Variants in DPH5 observed in about 807,000 individuals in gnomAD.
The protein encoded by DPH5 is diphthamide biosynthesis 5.
Under a neutral mutation model 31.6 loss-of-function variants are expected in DPH5, and 31 were observed. The observed-to-expected ratio is 0.98, with a 90% CI of 0.74 to 1.32. The LOEUF (loss-of-function observed/expected upper bound fraction) is 1.32, where lower values mean the gene tolerates loss of function less well. Among genes scored for constraint, DPH5 ranks in the 40% most tolerant of loss-of-function variants. DPH5 has a pLI of 0.00. For synonymous variants in DPH5, 120 were observed against 115.0 expected (o/e 1.04, Z -0.28); for missense variants, 309 against 335.7 (o/e 0.92, Z 0.62).
chr1:101,012,208 A>T (rs1017973172), intron 4 of DPH5, among the ~76,000 whole-genome samples: 1 of 152,184 alleles, frequency 6.6e-6, no homozygotes, highest in Non-Finnish European at 1.5e-5. Flanking sequence ...GCCATCCGTC[A>T]TCAGTTCTTA....
chr1:100,991,217 A>G (rs933132492), intron 7 of DPH5, among the ~76,000 whole-genome samples: 1 of 152,214 alleles, frequency 6.6e-6, no homozygotes, highest in Non-Finnish European at 1.5e-5. Flanking sequence ...ATTTGGCACT[A>G]TTTATGTTTT....
At chr1:100,997,108 C>A (rs1193899806) in intron 5 of DPH5, among the ~76,000 whole-genome samples, 2 of 152,208 alleles carry the variant, frequency 1.3e-5, no homozygotes, top group Non-Finnish European at 2.9e-5. Flanking sequence ...TCAAGAGCCA[C>A]ATTTCTAGTT....
chr1:100,990,723 A>C (rs1657608773), intron 7 of DPH5, 92 bp from the exon 8 acceptor site: 2 of 1,196,192 alleles, frequency 1.7e-6, no homozygotes, highest in East Asian at 2.5e-5. Flanking sequence ...GTACATTTCA[A>C]GAAGCCCCAA....
At chr1:101,022,404 C>G (rs998765210) in intron 2 of DPH5, among the ~76,000 whole-genome samples, 15 of 152,238 alleles carry the variant, frequency 9.9e-5, no homozygotes, top group Non-Finnish European at 2.9e-5. Context: ...TGCAAACAAA[C>G]TGCTTTGTGA....
At chr1:100,998,052 T>C (rs575447364) in intron 5 of DPH5, among the ~76,000 whole-genome samples, 9 of 152,150 alleles carry the variant, frequency 5.9e-5, no homozygotes, top group African/African-American at 2.2e-4. Context: ...AAAGACAAAA[T>C]TATAAAGATA....
intron 7 of DPH5, among the ~76,000 whole-genome samples, chr1:100,991,853 T>G (rs1478549766): frequency 6.6e-6 from 1 of 150,494 alleles, no homozygotes; most frequent in Non-Finnish European, 1.5e-5. Flanking sequence ...TCCCAACACT[T>G]TGGGAGGCTT....
Position 101,001,547 on chromosome 1 carries a change from G to A in DPH5, c.410C>T (p.Thr137Ile). ...FGETVSIVFW[T>I]DTWRPESFFD... is the part of the protein sequence containing the mutation. ...GAAGCTTTCTGGTCTCCAAGTGTCT[G>A]TCCAAAAAACAATAGAAACTGTCTC... is the stretch of plus-strand genomic sequence containing the variant. The change falls in exon 5 of 8, where the codon ACA becomes ATA. Residue 137 changes from threonine to isoleucine, a missense_variant. Coordinates refer to ENST00000370109, the MANE Select transcript of DPH5 (RefSeq NM_015958.3). 4 of 1,606,936 alleles carry A rather than the reference G, an allele frequency of 2.5e-6. No homozygotes were observed. Among genetic ancestry groups the A allele is most frequent in the Non-Finnish European group, 3.4e-6 (4 of 1,174,240 alleles).
intron 3 of DPH5, among the ~76,000 whole-genome samples, chr1:101,017,657 T>C (rs1199055993): frequency 1.3e-5 from 2 of 152,152 alleles, no homozygotes; most frequent in Admixed American, 1.3e-4. Flanking sequence ...TGTGGACTGG[T>C]CAATGCATAC....
In DPH5 at chr1:100,998,472, G is replaced by A. The variant is rs1570659484; in HGVS notation, c.490+2995C>T. Among the ~76,000 whole-genome samples, 6 of 148,622 alleles carry A rather than the reference G, an allele frequency of 4.0e-5. No individual in the cohort carries two copies. The South Asian group carries it at 1.3e-3, about 32-fold the overall frequency. ...TGCAGTGAGCCGAGACTGCACTACT[G>A]CACTCCAGCCTGGATGACAGGGTAA... On this transcript the variant is annotated intron_variant, in intron 5 of 7. Transcript: ENST00000370109.
intron 6 of DPH5, among the ~76,000 whole-genome samples, chr1:100,994,595 C>T (rs1658160913): frequency 6.6e-6 from 1 of 151,330 alleles, no homozygotes. Context: ...GGCGTGATCT[C>T]AGCTCACTGC....
At chr1:101,013,902 TAA>T (rs1303929887) in intron 3 of DPH5, 84 bp from the exon 4 acceptor site, 7 of 1,059,678 alleles carry the variant, frequency 6.6e-6, no homozygotes, top group Non-Finnish European at 2.7e-6. Flanking sequence ...TCATGTCAAT[TAA>T]AGAGGCAGGA....
rs572297233 is a variant in DPH5, at chr1:101,001,483, G to A, written c.474C>T (p.His158=). The change falls in exon 5 of 8, where the codon CAC becomes CAT. Residue 158 remains histidine (H), a synonymous_variant. Coordinates refer to ENST00000370109, the MANE Select transcript of DPH5 (RefSeq NM_015958.3). ...AACCCTTACCTAGTAAACATAATGT[G>A]TGCATGCCATTTTGTCTGTTCTTCT... ...KVKKNRQNGM[H]TLCLLDIKVK... 49 of 1,613,466 alleles carry A rather than the reference G, an allele frequency of 3.0e-5. No individual in the cohort carries two copies. Among genetic ancestry groups the A allele is most frequent in the Admixed American group, 2.2e-4 (13 of 59,990 alleles).
intron 3 of DPH5, among the ~76,000 whole-genome samples, chr1:101,018,727 G>C (rs1009522373): frequency 6.6e-6 from 1 of 152,126 alleles, no homozygotes; most frequent in African/African-American, 2.4e-5. Flanking sequence ...AAATGTCCAT[G>C]TCCACACCTT....
chr1:101,009,031 G>T (rs1659448236), intron 4 of DPH5, among the ~76,000 whole-genome samples: 1 of 152,102 alleles, frequency 6.6e-6, no homozygotes, highest in Non-Finnish European at 1.5e-5. Context: ...GACACTTCAT[G>T]TAAACAGAAT....
At chr1:101,025,564 G>C in intron 1 of DPH5, 98 bp from the exon 2 acceptor site, 3 of 1,249,688 alleles carry the variant, frequency 2.4e-6, no homozygotes, top group East Asian at 2.5e-5. Flanking sequence ...CAAGAGAAGA[G>C]GCAAGTCACA....
intron 4 of DPH5, among the ~76,000 whole-genome samples, chr1:101,007,512 G>T (rs950921667): frequency 6.6e-6 from 1 of 152,028 alleles, no homozygotes; most frequent in African/African-American, 2.4e-5. Context: ...AGGAGATTGA[G>T]ACCATCCTGG....
At chr1:101,018,243 T>G (rs2101282761) in intron 3 of DPH5, among the ~76,000 whole-genome samples, 1 of 151,790 alleles carries the variant, frequency 6.6e-6, no homozygotes, top group East Asian at 1.9e-4. Flanking sequence ...ATTTGATTTT[T>G]TTTTTTTTTT....
chr1:101,020,934 A>G (rs1185791185), intron 3 of DPH5, among the ~76,000 whole-genome samples: 1 of 152,186 alleles, frequency 6.6e-6, no homozygotes. Context: ...TGAATCCTGC[A>G]AAAGTTTACC....
chr1:100,990,559 G>A lies in DPH5; in HGVS notation c.707C>T (p.Thr236Ile), dbSNP rs756314900. 1.2e-6 allele frequency: 2 copies of A among 1,614,118 alleles called. No homozygotes were observed. Reference protein sequence around the residue: ...GADDQKIAAGTLRQMCTVDLG... With the variant: ...GADDQKIAAGILRQMCTVDLG... ...GTCCACAGTGCACATTTGCCTTAAA[G>A]TGCCTGCTGCAATTTTCTGGTCGTC... Residue 236 changes from threonine (T) to isoleucine (I), a missense_variant, in exon 8 of 8, where the codon ACT becomes ATT. Coordinates refer to ENST00000370109, the MANE Select transcript of DPH5 (RefSeq NM_015958.3).
Sources: allele counts gnomAD v4.1 joint callset (sites outside exome capture counted in the v4.1 genomes callset), GRCh38; gene constraint gnomAD v4.1.1; transcripts MANE v1.5; gene names NCBI Gene and HGNC (gene_info 2026-07-23, HGNC 2026-07-21).